Variants in DLGAP2 observed in about 807,000 individuals in gnomAD.
DLGAP2 encodes DLG associated protein 2, also known as disks large-associated protein 2.
Under a neutral mutation model 100.3 loss-of-function variants are expected in DLGAP2, and 26 were observed. That is an observed-to-expected ratio of 0.26 (90% CI 0.19 to 0.36). DLGAP2 has a LOEUF of 0.36. DLGAP2 is among the 10% of genes least tolerant of loss of function. The probability of loss-of-function intolerance (pLI) is 1.00; values close to 1 mark genes in which losing one functional copy is unlikely to be tolerated. For synonymous variants in DLGAP2, 886 were observed against 630.1 expected, an observed-to-expected ratio of 1.41 and a Z score of -6.08; for missense variants, 1,858 against 1,453.2, an observed-to-expected ratio of 1.28 and a Z score of -4.53.
At chr8:825,964 G>A (rs369971502) in intron 1 of DLGAP2, among the ~76,000 whole-genome samples, 4 of 151,982 alleles carry the variant, frequency 2.6e-5, no homozygotes, top group African/African-American at 7.2e-5. Flanking sequence ...ATTTTTATAC[G>A]CATTAACCAG....
intron 2 of DLGAP2, chr8:1,137,308 A>G (rs1009264538): frequency 6.6e-6 from 1 of 152,662 alleles, no homozygotes; most frequent in Non-Finnish European, 1.5e-5. Context: ...GGCCGTCTCC[A>G]AACTATAGTC....
chr8:1,381,931 A>G lies in DLGAP2; in HGVS notation c.107-119435A>G, dbSNP rs531703802. On this transcript the variant is annotated intron_variant, in intron 3 of 14. Coordinates refer to ENST00000637795, the MANE Select transcript of DLGAP2 (RefSeq NM_001346810.2). ...GTACGTTTCTTGTCTGAACCCCAGC[A>G]CCAAGAATGATAAAGTCTACACAGT... Among the ~76,000 whole-genome samples the G allele has an allele frequency of 2.6e-5, 4 of 152,252 alleles. No homozygotes were observed. In the South Asian group the frequency reaches 8.3e-4, roughly 32 times the overall value.
intron 6 of DLGAP2, among the ~76,000 whole-genome samples, chr8:1,597,383 T>TTC (rs1191452906): frequency 1.3e-5 from 2 of 151,372 alleles, no homozygotes; most frequent in Middle Eastern, 3.4e-3. Context: ...AAAGTAGTTT[T>TTC]TTTTTTCCTA....
chr8:1,602,140 G>T (rs73174735), intron 6 of DLGAP2, among the ~76,000 whole-genome samples: 3,410 of 152,270 alleles, frequency 0.022, 46 homozygotes, highest in Non-Finnish European at 0.037. Context: ...GAATGTATAT[G>T]TTCTTAATGC....
At chr8:885,368 A>G (rs1169581226) in intron 1 of DLGAP2, among the ~76,000 whole-genome samples, 1 of 151,876 alleles carries the variant, frequency 6.6e-6, no homozygotes, top group Non-Finnish European at 1.5e-5. Flanking sequence ...ATTCCTAGGT[A>G]TTTTATTTTC....
intron 1 of DLGAP2, among the ~76,000 whole-genome samples, chr8:777,606 A>C (rs1482207084): frequency 6.6e-6 from 1 of 152,150 alleles, no homozygotes; most frequent in East Asian, 1.9e-4. Context: ...TCCTTCACTT[A>C]GGAAGCTTAG....
chr8:1,305,131 A>T (rs548299763), intron 3 of DLGAP2, among the ~76,000 whole-genome samples: 1 of 152,330 alleles, frequency 6.6e-6, no homozygotes, highest in South Asian at 2.1e-4. Flanking sequence ...AGCCTGGGTA[A>T]AAAAGCTTGC....
chr8:1,026,690 T>C (rs1238351904), intron 2 of DLGAP2, among the ~76,000 whole-genome samples: 1 of 152,242 alleles, frequency 6.6e-6, no homozygotes, highest in Non-Finnish European at 1.5e-5. Flanking sequence ...ATTGAAAATA[T>C]TGAAAACTGA....
At chr8:1,152,594 T>TGG (rs35230945) in intron 2 of DLGAP2, among the ~76,000 whole-genome samples, 3 of 152,040 alleles carry the variant, frequency 2.0e-5, no homozygotes, top group East Asian at 1.9e-4. Flanking sequence ...AATGATGTCA[T>TGG]GGGGGGCCCA....
intron 2 of DLGAP2, among the ~76,000 whole-genome samples, chr8:958,581 CCA>C (rs755408853): frequency 0.048 from 3,725 of 77,968 alleles, 162 homozygotes; most frequent in African/African-American, 0.18. Flanking sequence ...AACTAGACCT[CCA>C]AAAAAAAAAA....
intron 3 of DLGAP2, among the ~76,000 whole-genome samples, chr8:1,318,559 G>C (rs977914300): frequency 6.6e-6 from 1 of 151,142 alleles, no homozygotes; most frequent in African/African-American, 2.4e-5. Context: ...TGTCAGGGCC[G>C]GTTCGTTACC....
Position 1,659,923 on chromosome 8 carries a change from G to C in DLGAP2, c.1811-8406G>C, listed in dbSNP as rs564609659. ...GTTATTTTGCCCGTTAGTTGATGTA[G>C]TTTCTTCATAGTGTCAATGGTCTTT... On this transcript the variant is annotated intron_variant, in intron 8 of 14. Transcript: ENST00000637795. 9.0e-4 allele frequency among the ~76,000 whole-genome samples: 137 copies of C among 152,268 alleles called. 2 individuals are homozygous for C. The South Asian group carries it at 0.01, about 11-fold the overall frequency.
chr8:1,220,787 C>T (rs1798300534), intron 2 of DLGAP2, among the ~76,000 whole-genome samples: 1 of 152,154 alleles, frequency 6.6e-6, no homozygotes, highest in African/African-American at 2.4e-5. Context: ...GGTACTCTAG[C>T]ATTGGGTGCC....
intron 2 of DLGAP2, among the ~76,000 whole-genome samples, chr8:983,331 A>G (rs1800392914): frequency 6.7e-6 from 1 of 149,780 alleles, no homozygotes; most frequent in Admixed American, 6.8e-5. Context: ...GGTGGAAGGT[A>G]CAGGTCGTCG....
intron 1 of DLGAP2, among the ~76,000 whole-genome samples, chr8:882,695 C>A: frequency 7.4e-6 from 1 of 134,392 alleles, no homozygotes; most frequent in Admixed American, 7.3e-5. Context: ...TCGCCTGATC[C>A]AGCGGTACCT....
At chr8:799,200 T>C (rs968104640) in intron 1 of DLGAP2, among the ~76,000 whole-genome samples, 1 of 152,184 alleles carries the variant, frequency 6.6e-6, no homozygotes, top group Non-Finnish European at 1.5e-5. Flanking sequence ...GGGTTTCAGC[T>C]CAGCCTGGGC....
At chr8:810,028 T>C (rs1004674662) in intron 1 of DLGAP2, among the ~76,000 whole-genome samples, 3 of 152,200 alleles carry the variant, frequency 2.0e-5, no homozygotes, top group Non-Finnish European at 4.4e-5. Flanking sequence ...TAACTCCTCC[T>C]CTCAGCAGGG....
intron 1 of DLGAP2, among the ~76,000 whole-genome samples, chr8:816,397 G>A (rs941315759): frequency 2.6e-4 from 40 of 151,942 alleles, no homozygotes; most frequent in African/African-American, 9.7e-4. Context: ...CCTTGTAGCA[G>A]TTCTTATAGT....
At chr8:808,308 G>T (rs926741673) in intron 1 of DLGAP2, among the ~76,000 whole-genome samples, 1 of 152,202 alleles carries the variant, frequency 6.6e-6, no homozygotes, top group Non-Finnish European at 1.5e-5. Flanking sequence ...TGTGCACCAC[G>T]CCAGGAGAGT....
Sources: gnomAD v4.1 joint callset for allele counts (sites outside exome capture counted in the v4.1 genomes callset) on GRCh38, gnomAD v4.1.1 for gene constraint, MANE v1.5 for transcripts, NCBI Gene and HGNC (gene_info 2026-07-23, HGNC 2026-07-21) for gene names.